The following ROBO2 variants were observed in gnomAD, a reference collection of about 807,000 sequenced individuals.
The protein encoded by ROBO2 is roundabout homolog 2.
In ROBO2, 53 loss-of-function variants were observed where a neutral mutation model predicts 160.8. That is an observed-to-expected ratio of 0.33 (90% CI 0.26 to 0.41). The LOEUF (loss-of-function observed/expected upper bound fraction) is 0.41. Among genes scored for constraint, ROBO2 ranks in the 10% least tolerant of loss-of-function variants. The pLI, the probability that ROBO2 is intolerant of heterozygous loss-of-function variation, is 1.00. For synonymous variants in ROBO2, 664 were observed against 611.7 expected, an observed-to-expected ratio of 1.09 and a Z score of -1.26; for missense variants, 1,577 against 1,722.4, an observed-to-expected ratio of 0.92 and a Z score of 1.49.
chr3:77,196,727 G>C (rs1335131599), intron 2 of ROBO2, among the ~76,000 whole-genome samples: 3 of 151,960 alleles, frequency 2.0e-5, no homozygotes, highest in East Asian at 3.9e-4. Flanking sequence ...AAAATGGCTT[G>C]AGTTAAGTCA....
At chr3:76,567,797 G>GTGTGTGTA (rs1260549103) in intron 2 of ROBO2, among the ~76,000 whole-genome samples, 1 of 72,444 alleles carries the variant, frequency 1.4e-5, no homozygotes, top group African/African-American at 5.3e-5. Context: ...GTGTGTGTGT[G>GTGTGTGTA]TATATATATA....
intron 2 of ROBO2, among the ~76,000 whole-genome samples, chr3:77,104,250 C>A (rs1004408627): frequency 1.3e-5 from 2 of 152,094 alleles, no homozygotes; most frequent in Non-Finnish European, 2.9e-5. Flanking sequence ...TAAGTAAATG[C>A]TAATCTACTT....
At chr3:76,750,309 A>T (rs1053524497) in intron 2 of ROBO2, among the ~76,000 whole-genome samples, 1 of 152,066 alleles carries the variant, frequency 6.6e-6, no homozygotes, top group Non-Finnish European at 1.5e-5. Flanking sequence ...AAATAATGAG[A>T]GCTATTTATG....
intron 2 of ROBO2, among the ~76,000 whole-genome samples, chr3:76,314,524 T>C (rs1394906588): frequency 6.6e-6 from 1 of 152,092 alleles, no homozygotes; most frequent in Non-Finnish European, 1.5e-5. Context: ...TTCACTCATA[T>C]GAGAACTTTC....
chr3:77,153,314 A>G (rs759060511), intron 2 of ROBO2, among the ~76,000 whole-genome samples: 55 of 151,894 alleles, frequency 3.6e-4, no homozygotes, highest in Non-Finnish European at 6.6e-4. Context: ...TTCTTGTTTC[A>G]TATTTGATGG....
At chr3:76,344,593 A>G (rs766786668) in intron 2 of ROBO2, among the ~76,000 whole-genome samples, 2 of 152,184 alleles carry the variant, frequency 1.3e-5, no homozygotes, top group Admixed American at 6.6e-5. Flanking sequence ...AAAAGGCTCT[A>G]TTACTTGGTC....
chr3:77,349,018 C>A (rs184408156), intron 2 of ROBO2, among the ~76,000 whole-genome samples: 373 of 152,216 alleles, frequency 2.5e-3, no homozygotes, highest in Non-Finnish European at 4.6e-3. Flanking sequence ...GTTTTGTATT[C>A]CTGTTTCCTG....
chr3:76,878,088 T>C (rs894685038), intron 2 of ROBO2, among the ~76,000 whole-genome samples: 4 of 152,122 alleles, frequency 2.6e-5, no homozygotes, highest in African/African-American at 7.2e-5. Context: ...CTTCAACATA[T>C]GAATTTGGTG....
chr3:76,753,055 G>T (rs940169396), intron 2 of ROBO2, among the ~76,000 whole-genome samples: 1 of 151,768 alleles, frequency 6.6e-6, no homozygotes, highest in Non-Finnish European at 1.5e-5. Flanking sequence ...ATTTTTAAAG[G>T]TATATGCAAA....
intron 2 of ROBO2, among the ~76,000 whole-genome samples, chr3:76,149,830 AACAC>A (rs753780603): frequency 1.3e-5 from 2 of 149,542 alleles, no homozygotes; most frequent in East Asian, 2.0e-4. Context: ...ATCTGTCTAA[AACAC>A]ACATCTGTCT....
At chr3:77,049,704 TGTAAG>T (rs2065026766) in intron 1 of ROBO2, among the ~76,000 whole-genome samples, 2 of 152,170 alleles carry the variant, frequency 1.3e-5, no homozygotes, top group East Asian at 3.9e-4. Context: ...TAATTTCTGT[TGTAAG>T]GATTGATGTG....
chr3:76,882,126 C>T (rs1320051577), intron 2 of ROBO2, among the ~76,000 whole-genome samples: 1 of 148,194 alleles, frequency 6.7e-6, no homozygotes, highest in Non-Finnish European at 1.5e-5. Flanking sequence ...GTGTGTGTGT[C>T]TTTTGGGTGG....
At chr3:76,670,773 CTT>C (rs774903554) in intron 2 of ROBO2, among the ~76,000 whole-genome samples, 75 of 151,684 alleles carry the variant, frequency 4.9e-4, no homozygotes, top group Admixed American at 1.6e-3. Flanking sequence ...TTAATTATAA[CTT>C]ATAAATTTAT....
intron 1 of ROBO2, among the ~76,000 whole-genome samples, chr3:77,092,635 T>G (rs2070460830): frequency 6.8e-6 from 1 of 146,930 alleles, no homozygotes; most frequent in African/African-American, 2.5e-5. Context: ...ATATATAAAT[T>G]TGTATATATT....
chr3:76,255,748 TTTAA>T (rs1205963860), intron 2 of ROBO2, among the ~76,000 whole-genome samples: 1 of 152,078 alleles, frequency 6.6e-6, no homozygotes, highest in Non-Finnish European at 1.5e-5. Context: ...TTATAAGATA[TTTAA>T]AGATGCCTGT....
At chr3:77,470,935 C>T (rs970962435) in intron 2 of ROBO2, among the ~76,000 whole-genome samples, 7 of 152,148 alleles carry the variant, frequency 4.6e-5, no homozygotes, top group African/African-American at 1.7e-4. Context: ...TTGTTTGGGT[C>T]TCCTGCGGTT....
At chr3:77,238,705 T>A (rs1317452872) in intron 2 of ROBO2, among the ~76,000 whole-genome samples, 5 of 152,328 alleles carry the variant, frequency 3.3e-5, no homozygotes. Context: ...ATGGTAATAT[T>A]TAATTTTTTT....
chr3:77,537,108 G>GGGGT (rs1553650269), intron 6 of ROBO2, among the ~76,000 whole-genome samples: 1 of 140,732 alleles, frequency 7.1e-6, no homozygotes, highest in Non-Finnish European at 1.5e-5. Flanking sequence ...GTGGGGGGGG[G>GGGGT]GTGTATTACA....
chr3:77,337,428 T>C (rs1019951859), intron 2 of ROBO2, among the ~76,000 whole-genome samples: 1 of 152,024 alleles, frequency 6.6e-6, no homozygotes, highest in African/African-American at 2.4e-5. Flanking sequence ...AAATGGAGAG[T>C]TTATTTTCTT....
Sources: allele counts gnomAD v4.1 joint callset (sites outside exome capture counted in the v4.1 genomes callset), GRCh38; gene constraint gnomAD v4.1.1; transcripts MANE v1.5; gene names NCBI Gene and HGNC (gene_info 2026-07-23, HGNC 2026-07-21).